DLC1: variants seen among roughly 807,000 people sequenced by gnomAD.
The protein encoded by DLC1 is DLC1 Rho GTPase activating protein.
In DLC1, 54 loss-of-function variants were observed where a neutral mutation model predicts 140.3. The ratio of observed to expected loss-of-function variants is 0.38; its 90% CI spans 0.31 to 0.48. The LOEUF is 0.48. Ranked by LOEUF, DLC1 falls within the 20% of genes least tolerant of loss-of-function variation. DLC1 has a pLI of 0.96. For synonymous variants in DLC1, 986 were observed against 728.1 expected, an observed-to-expected ratio of 1.35 and a Z score of -5.70; for missense variants, 2,536 against 1,907.0, an observed-to-expected ratio of 1.33 and a Z score of -6.14.
intron 11 of DLC1, 36 bp downstream of exon 11, chr8:13,095,050 C>T: frequency 6.2e-7 from 1 of 1,613,660 alleles, no homozygotes; most frequent in Non-Finnish European, 8.5e-7. Context: ...AATCCGAGCT[C>T]CCCTGAGTAC....
intron 2 of DLC1, among the ~76,000 whole-genome samples, chr8:13,448,446 C>T (rs758604955): frequency 6.6e-6 from 1 of 151,870 alleles, no homozygotes; most frequent in Non-Finnish European, 1.5e-5. Context: ...CCACTGCAAC[C>T]TCCACCTCCT....
At chr8:13,210,749 T>C (rs4831405) in intron 5 of DLC1, among the ~76,000 whole-genome samples, 4,875 of 152,270 alleles carry the variant, frequency 0.032, 471 homozygotes, top group East Asian at 0.29. Context: ...GATAGTTAAA[T>C]ACATACTTTG....
chr8:13,171,084 C>T (rs553637658), intron 5 of DLC1, among the ~76,000 whole-genome samples: 1 of 152,052 alleles, frequency 6.6e-6, no homozygotes, highest in Non-Finnish European at 1.5e-5. Context: ...AACTAAATTG[C>T]TAAACTGATC....
chr8:13,390,326 C>T (rs999378226), intron 4 of DLC1, among the ~76,000 whole-genome samples: 8 of 152,188 alleles, frequency 5.3e-5, no homozygotes, highest in African/African-American at 1.4e-4. Flanking sequence ...CATAGTATTC[C>T]ATGGTGTATA....
intron 1 of DLC1, among the ~76,000 whole-genome samples, chr8:13,546,640 C>G (rs1803657475): frequency 2.0e-5 from 3 of 152,126 alleles, no homozygotes; most frequent in African/African-American, 4.8e-5. Context: ...GCCCTCTGCT[C>G]TCTTGGACCT....
chr8:13,101,783 A>G (rs887306920), intron 8 of DLC1, among the ~76,000 whole-genome samples: 1 of 152,208 alleles, frequency 6.6e-6, no homozygotes, highest in Non-Finnish European at 1.5e-5. Flanking sequence ...CGGCATTCAT[A>G]AACACTAAGG....
chr8:13,122,865 G>A (rs1199054223), intron 5 of DLC1, among the ~76,000 whole-genome samples: 2 of 151,006 alleles, frequency 1.3e-5, no homozygotes, highest in Non-Finnish European at 2.9e-5. Flanking sequence ...AGTTTCTTAG[G>A]CTATCTGGCT....
intron 5 of DLC1, among the ~76,000 whole-genome samples, chr8:13,220,039 T>A (rs1451899773): frequency 6.6e-6 from 1 of 151,962 alleles, no homozygotes; most frequent in Non-Finnish European, 1.5e-5. Flanking sequence ...TTGGCGGGAG[T>A]GACTGCTCAA....
At chr8:13,355,591 C>G (rs1168680833) in intron 4 of DLC1, among the ~76,000 whole-genome samples, 1 of 152,142 alleles carries the variant, frequency 6.6e-6, no homozygotes, top group Non-Finnish European at 1.5e-5. Flanking sequence ...ACCTTCTCAG[C>G]TCATTTAATA....
At chr8:13,132,430 G>GA (rs201703732) in intron 5 of DLC1, among the ~76,000 whole-genome samples, 12 of 148,416 alleles carry the variant, frequency 8.1e-5, no homozygotes, top group Admixed American at 2.7e-4. Context: ...AGGCAGTGAT[G>GA]AAAAAAAAAA....
chr8:13,569,519 A>G (rs1207451816), intron 1 of DLC1, among the ~76,000 whole-genome samples: 1 of 152,136 alleles, frequency 6.6e-6, no homozygotes, highest in Middle Eastern at 3.2e-3. Context: ...TACATAATCA[A>G]AATTCTGAAT....
At chr8:13,478,903 A>G (rs545522906) in intron 2 of DLC1, among the ~76,000 whole-genome samples, 2 of 152,368 alleles carry the variant, frequency 1.3e-5, no homozygotes, top group African/African-American at 2.4e-5. Flanking sequence ...AAACTTGCCT[A>G]AACAAGCTGG....
At chr8:13,315,910 C>T (rs1426412912) in intron 4 of DLC1, among the ~76,000 whole-genome samples, 4 of 152,100 alleles carry the variant, frequency 2.6e-5, no homozygotes, top group Non-Finnish European at 5.9e-5. Context: ...TTTGTATTTC[C>T]AGCTTCTATA....
intron 5 of DLC1, among the ~76,000 whole-genome samples, chr8:13,142,680 A>C (rs1357871246): frequency 6.6e-6 from 1 of 152,232 alleles, no homozygotes; most frequent in African/African-American, 2.4e-5. Context: ...AACACTAAAA[A>C]GTTTATTTAA....
In DLC1 at chr8:13,188,777, A is replaced by ATGTGTGTGTG. The variant is rs201849073; in HGVS notation, c.1349-73130_1349-73121dup. Among the ~76,000 whole-genome samples, 35 of 108,886 alleles carry ATGTGTGTGTG rather than the reference A, an allele frequency of 3.2e-4. 1 individual carries two copies. Among genetic ancestry groups the ATGTGTGTGTG allele is most frequent in the African/African-American group, 1.2e-3 (31 of 25,026 alleles). The allele number at this position is 108,886 out of a possible 152,430, so 71.4% of individuals were successfully genotyped here. A position where few individuals can be genotyped will look rare whatever the true frequency, so the allele number is the denominator to read the frequency against. ...AGGCATGTGCCACCATGCCCAGCTAATGTGTGTGTGTGTGTGTGTGTGTGT... is the reference window on the plus strand; with the variant it reads ...AGGCATGTGCCACCATGCCCAGCTAATGTGTGTGTGTGTGTGTGTGTGTGTGTGTGTGTGT... On this transcript the variant is annotated intron_variant, in intron 5 of 17. Coordinates refer to ENST00000276297, the MANE Select transcript of DLC1 (RefSeq NM_182643.3).
chr8:13,415,437 T>C (rs1838010122), intron 2 of DLC1, among the ~76,000 whole-genome samples: 1 of 151,356 alleles, frequency 6.6e-6, no homozygotes, highest in Non-Finnish European at 1.5e-5. Flanking sequence ...TCTTGCTCTT[T>C]CACCCAGGCT....
chr8:13,298,460 A>G (rs1184990556), intron 5 of DLC1, among the ~76,000 whole-genome samples: 1 of 152,232 alleles, frequency 6.6e-6, no homozygotes, highest in Non-Finnish European at 1.5e-5. Context: ...GAGCATTTTT[A>G]TAATTACAAT....
intron 3 of DLC1, among the ~76,000 whole-genome samples, chr8:13,401,237 T>G (rs1837281731): frequency 1.3e-5 from 2 of 152,242 alleles, no homozygotes; most frequent in African/African-American, 4.8e-5. Flanking sequence ...CCTTCCTGTT[T>G]AATGATAAAC....
At chr8:13,565,529 G>A (rs183029079) in intron 1 of DLC1, among the ~76,000 whole-genome samples, 86 of 152,268 alleles carry the variant, frequency 5.6e-4, no homozygotes, top group African/African-American at 2.0e-3. Flanking sequence ...TAAAATTTGG[G>A]TTGAATAAAT....
Sources: gnomAD v4.1 joint callset for allele counts (sites outside exome capture counted in the v4.1 genomes callset) on GRCh38, gnomAD v4.1.1 for gene constraint, MANE v1.5 for transcripts, NCBI Gene and HGNC (gene_info 2026-07-23, HGNC 2026-07-21) for gene names.